The following SPDYE10 variants were observed in gnomAD, a reference collection of about 807,000 sequenced individuals.
SPDYE10 encodes the protein speedy/RINGO cell cycle regulator family member E10.
chr7:73,154,953 C>T, the SPDYE10 span: 241 of 148,974 alleles, frequency 1.6e-3, 1 homozygote, highest in East Asian at 0.043. Flanking sequence ...ACACCAGCTG[C>T]TCCCCCCGCG....
chr7:73,117,625 A>G, the SPDYE10 span, among the ~76,000 whole-genome samples: 24 of 127,170 alleles, frequency 1.9e-4, no homozygotes, highest in Non-Finnish European at 3.1e-4. Context: ...CAGCCAAGAA[A>G]AAGAGGGGAA....
the SPDYE10 span, chr7:73,105,127 GCACTGTGCCTT>G: frequency 1.4e-4 from 40 of 292,664 alleles, no homozygotes; most frequent in African/African-American, 1.0e-3. Context: ...CTGAGCCCCT[GCACTGTGCCTT>G]CAAATGCTCC....
chr7:73,154,967 G>GGCGCCGCGCGCCGCTGCT, the SPDYE10 span: 6 of 150,204 alleles, frequency 4.0e-5, no homozygotes, highest in African/African-American at 1.5e-4. Context: ...CCCCGCGCCG[G>GGCGCCGCGCGCCGCTGCT]GCGCCGCGCG....
the SPDYE10 span, among the ~76,000 whole-genome samples, chr7:73,154,766 G>A: frequency 4.0e-5 from 6 of 151,050 alleles, no homozygotes; most frequent in Admixed American, 3.9e-4. Flanking sequence ...CCCGTGCACC[G>A]GGCTGCCGGT....
chr7:73,134,633 G>A, the SPDYE10 span, among the ~76,000 whole-genome samples: 9 of 152,352 alleles, frequency 5.9e-5, no homozygotes, highest in East Asian at 3.9e-4. Flanking sequence ...AGGCTGAGGC[G>A]GGCAGCTCAC....
chr7:73,132,553 A>AAG, the SPDYE10 span, among the ~76,000 whole-genome samples: 1 of 136,190 alleles, frequency 7.3e-6, no homozygotes, highest in Non-Finnish European at 1.6e-5. Flanking sequence ...TCTCAAAAAA[A>AAG]AAAAAAAAAA....
At chr7:73,134,505 C>G in the SPDYE10 span, among the ~76,000 whole-genome samples, 1 of 25,272 alleles carries the variant, frequency 4.0e-5, no homozygotes, top group East Asian at 1.1e-3. Flanking sequence ...ATGTACCCTA[C>G]AACTTAAAGT....
At chr7:73,149,500 G>A in the SPDYE10 span, among the ~76,000 whole-genome samples, 4 of 142,158 alleles carry the variant, frequency 2.8e-5, no homozygotes, top group Non-Finnish European at 6.1e-5. Context: ...TGTTAGCCAG[G>A]ATGGTCTCAA....
At chr7:73,122,983 T>G in the SPDYE10 span, among the ~76,000 whole-genome samples, 1 of 152,178 alleles carries the variant, frequency 6.6e-6, no homozygotes, top group African/African-American at 2.4e-5. Context: ...CAGGTCCAAT[T>G]CCCATGTATC....
At chr7:73,123,526 G>A in the SPDYE10 span, among the ~76,000 whole-genome samples, 1 of 152,228 alleles carries the variant, frequency 6.6e-6, no homozygotes, top group Non-Finnish European at 1.5e-5. Context: ...GAGTGCAGTG[G>A]TGTGATCTCA....
At chr7:73,104,970 TACA>T in the SPDYE10 span, 1 of 15,544 alleles carries the variant, frequency 6.4e-5, no homozygotes, top group Non-Finnish European at 1.4e-4. Flanking sequence ...TTTTCAAAAG[TACA>T]ACAATTTCCA....
chr7:73,115,132 A>G, the SPDYE10 span, among the ~76,000 whole-genome samples: 2 of 151,638 alleles, frequency 1.3e-5, no homozygotes, highest in Non-Finnish European at 1.5e-5. Flanking sequence ...CTGACCTCAG[A>G]TGAACCACCC....
the SPDYE10 span, among the ~76,000 whole-genome samples, chr7:73,114,907 T>C: frequency 1.4e-5 from 2 of 146,572 alleles, no homozygotes; most frequent in African/African-American, 5.0e-5. Flanking sequence ...ATCTGATTTT[T>C]TTTTTTTTTT....
the SPDYE10 span, among the ~76,000 whole-genome samples, chr7:73,131,242 G>T: frequency 7.1e-6 from 1 of 141,228 alleles, no homozygotes; most frequent in Non-Finnish European, 1.5e-5. Context: ...AGAGCAAGAG[G>T]CCAGAAGGAA....
At chr7:73,137,940 G>A in the SPDYE10 span, among the ~76,000 whole-genome samples, 2 of 139,910 alleles carry the variant, frequency 1.4e-5, no homozygotes, top group Admixed American at 7.1e-5. Context: ...AAGGGAAGGG[G>A]AAGGGAAGGG....
chr7:73,130,533 T>C, the SPDYE10 span, among the ~76,000 whole-genome samples: 5 of 152,302 alleles, frequency 3.3e-5, no homozygotes, highest in Non-Finnish European at 4.4e-5. Context: ...TCTTGGCTCA[T>C]TGCAACCTCC....
chr7:73,111,754 C>CT, the SPDYE10 span, among the ~76,000 whole-genome samples: 8 of 19,038 alleles, frequency 4.2e-4, 4 homozygotes, highest in African/African-American at 7.1e-4. Flanking sequence ...TCTGACCCTT[C>CT]TTTTTTTTTT....
the SPDYE10 span, among the ~76,000 whole-genome samples, chr7:73,114,534 A>ATTT: frequency 1.5e-5 from 2 of 134,546 alleles, no homozygotes; most frequent in African/African-American, 5.3e-5. Flanking sequence ...TTTAAGCCCT[A>ATTT]TTTTTTTTTT....
the SPDYE10 span, among the ~76,000 whole-genome samples, chr7:73,137,642 GGAGAA>G: frequency 2.1e-5 from 2 of 94,252 alleles, no homozygotes; most frequent in Non-Finnish European, 4.3e-5. Context: ...AAGAAAGAAA[GGAGAA>G]AGAAAGAAAA....
Sources: allele counts gnomAD v4.1 joint callset (sites outside exome capture counted in the v4.1 genomes callset), GRCh38; gene constraint gnomAD v4.1.1; transcripts MANE v1.5; gene names NCBI Gene and HGNC (gene_info 2026-07-23, HGNC 2026-07-21).